RGS5: variants seen among roughly 807,000 people sequenced by gnomAD.
RGS5 encodes the protein regulator of G-protein signalling 5.
RGS5 carries 20 observed loss-of-function variants against 18.9 expected under a neutral mutation model. That is an observed-to-expected ratio of 1.06 (90% CI 0.74 to 1.54). The LOEUF is 1.54. RGS5 is among the 40% of genes most tolerant of loss of function. The probability of loss-of-function intolerance (pLI) is 0.00; values close to 1 mark genes in which losing one functional copy is unlikely to be tolerated. For missense variants in RGS5, 201 were observed against 211.8 expected (o/e 0.95, Z 0.32); for synonymous variants, 57 against 76.2 (o/e 0.75, Z 1.31).
Position 163,147,918 on chromosome 1 carries a change from C to CTTTTTTTTCTTTTTTTTTTTTTTT in RGS5, c.385-416_385-415insAAAAAAAAAAAAAAAGAAAAAAAA, listed in dbSNP as rs3065035. On this transcript the variant is annotated intron_variant, in intron 4 of 4. Transcript: ENST00000313961. ...GGTGTCCTGGTGCTTTTTTCTTTTT[C>CTTTTTTTTCTTTTTTTTTTTTTTT]TTTTTTTTTTTTTTTTTTTTTTGTT... Among the ~76,000 whole-genome samples the CTTTTTTTTCTTTTTTTTTTTTTTT allele has an allele frequency of 4.0e-3, 310 of 78,030 alleles. 1 individual carries two copies. The highest frequency in any genetic ancestry group is 4.8e-3 in the South Asian group (9 of 1,864). The allele number at this position is 78,030 out of a possible 152,430, so 51.2% of individuals were successfully genotyped here. A position where few individuals can be genotyped will look rare whatever the true frequency, so the allele number is the denominator to read the frequency against.
At chr1:163,179,661 T>C (rs1424239874) in intron 1 of RGS5, among the ~76,000 whole-genome samples, 1 of 152,170 alleles carries the variant, frequency 6.6e-6, no homozygotes, top group Admixed American at 6.5e-5. Flanking sequence ...ATTTGAGCTC[T>C]CCTGTTTTCT....
At chr1:163,302,327 T>C (rs1326953741) in intron 2 of RGS5, among the ~76,000 whole-genome samples, 1 of 152,152 alleles carries the variant, frequency 6.6e-6, no homozygotes, top group Non-Finnish European at 1.5e-5. Context: ...CTTAAGATCA[T>C]ACAGAAGGAG....
chr1:163,218,989 G>A (rs1445342804), upstream of RGS5, among the ~76,000 whole-genome samples: 1 of 152,174 alleles, frequency 6.6e-6, no homozygotes, highest in East Asian at 1.9e-4. Context: ...GTCAAAGCTT[G>A]TTGCTGGGAG....
intron 1 of RGS5, among the ~76,000 whole-genome samples, chr1:163,184,444 A>C (rs1380912514): frequency 6.6e-6 from 1 of 152,020 alleles, no homozygotes; most frequent in Non-Finnish European, 1.5e-5. Flanking sequence ...TTAAATGAAA[A>C]AGTATCTAGG....
intron 1 of RGS5, among the ~76,000 whole-genome samples, chr1:163,193,676 G>C (rs1196118832): frequency 1.3e-5 from 2 of 152,040 alleles, no homozygotes; most frequent in East Asian, 3.9e-4. Flanking sequence ...GCATATACAC[G>C]CCTGACATGG....
intron 2 of RGS5, 109 bp from the exon 3 acceptor site, chr1:163,162,085 C>T: frequency 2.6e-6 from 2 of 774,036 alleles, no homozygotes; most frequent in Non-Finnish European, 2.3e-6. Flanking sequence ...GATATGACTG[C>T]TGGTCTATCC....
At chr1:163,266,180 C>T (rs12724298) in intron 2 of RGS5, among the ~76,000 whole-genome samples, 43,446 of 151,944 alleles carry the variant, frequency 0.29, 6,375 homozygotes, top group Non-Finnish European at 0.32. Flanking sequence ...ACCCAGACCC[C>T]GGCATCTAAG....
chr1:163,242,943 G>A (rs4657255), intron 2 of RGS5, among the ~76,000 whole-genome samples: 7,558 of 152,286 alleles, frequency 0.05, 223 homozygotes, highest in South Asian at 0.093. Flanking sequence ...GCAACTCACC[G>A]TGAGTGGTAA....
chr1:163,281,298 G>A (rs1003363466), intron 2 of RGS5, among the ~76,000 whole-genome samples: 3 of 152,090 alleles, frequency 2.0e-5, no homozygotes, highest in Non-Finnish European at 4.4e-5. Flanking sequence ...AATACATTGG[G>A]TAATTTATAA....
intron 2 of RGS5, among the ~76,000 whole-genome samples, chr1:163,291,908 T>C (rs144798051): frequency 1.6e-4 from 25 of 152,358 alleles, no homozygotes; most frequent in Admixed American, 4.6e-4. Flanking sequence ...TCTGTGGCAA[T>C]TGATTCTGTT....
At chr1:163,312,952 AACTTCTACTTTCT>A (rs139974338) in intron 1 of RGS5, among the ~76,000 whole-genome samples, 32,363 of 152,098 alleles carry the variant, frequency 0.21, 3,678 homozygotes, top group African/African-American at 0.3. Context: ...TCTTAGTTTA[AACTTCTACTTTCT>A]ACTTAGCTAA....
intron 2 of RGS5, among the ~76,000 whole-genome samples, chr1:163,305,548 A>G (rs1468488617): frequency 1.3e-5 from 2 of 152,318 alleles, no homozygotes; most frequent in South Asian, 2.1e-4. Flanking sequence ...TTGCAGCCCT[A>G]CACACTACAC....
chr1:163,256,652 C>T (rs990831412), intron 2 of RGS5, among the ~76,000 whole-genome samples: 3 of 152,160 alleles, frequency 2.0e-5, no homozygotes, highest in Non-Finnish European at 4.4e-5. Flanking sequence ...TTAAAAGATG[C>T]TTTTCTCCTA....
At chr1:163,248,122 T>TAC (rs1647995132) in intron 2 of RGS5, among the ~76,000 whole-genome samples, 1 of 152,192 alleles carries the variant, frequency 6.6e-6, no homozygotes, top group African/African-American at 2.4e-5. Flanking sequence ...AGTGACAGTG[T>TAC]TAGTAAGAGC....
At chr1:163,150,030 C>T (rs181633299) in intron 4 of RGS5, among the ~76,000 whole-genome samples, 1 of 152,272 alleles carries the variant, frequency 6.6e-6, no homozygotes, top group Admixed American at 6.5e-5. Flanking sequence ...ATGCTTTCAT[C>T]TCAAAAATAT....
At chr1:163,253,005 G>T (rs1648154253) in intron 2 of RGS5, among the ~76,000 whole-genome samples, 2 of 152,146 alleles carry the variant, frequency 1.3e-5, no homozygotes, top group Non-Finnish European at 2.9e-5. Context: ...TCTCATCTGT[G>T]ATGAAAGTGT....
chr1:163,203,157 C>G (rs1659848454), upstream of RGS5: 1 of 234,266 alleles, frequency 4.3e-6, no homozygotes, highest in Admixed American at 5.3e-5. Context: ...AAACTGTGCA[C>G]AGGTCATTGG....
At chr1:163,278,200 G>A (rs1387532662) in intron 2 of RGS5, among the ~76,000 whole-genome samples, 1 of 152,056 alleles carries the variant, frequency 6.6e-6, no homozygotes, top group Non-Finnish European at 1.5e-5. Context: ...AAAAGGTCCT[G>A]TCTGAGGCAC....
chr1:163,152,435 G>A lies in RGS5; in HGVS notation c.384+115C>T, dbSNP rs1433015519. On this transcript the variant is annotated intron_variant, in intron 4 of 4. Transcript: ENST00000313961. The stretch of plus-strand genomic sequence containing the variant: ...TCAATAGGTGCTTAATAAGGTGGTC[G>A]ACTCACAAATAGGAATAGCCTTTGG... The A allele has an allele frequency of 1.6e-5, 17 of 1,075,064 alleles. No individual in the cohort carries two copies. The African/African-American group carries it at 1.7e-4, about 11-fold the overall frequency. 66.6% of individuals were successfully genotyped at this position (1,075,064 alleles called of 1,614,324 possible).
Sources: gnomAD v4.1 joint callset for allele counts (sites outside exome capture counted in the v4.1 genomes callset) on GRCh38, gnomAD v4.1.1 for gene constraint, MANE v1.5 for transcripts, NCBI Gene and HGNC (gene_info 2026-07-23, HGNC 2026-07-21) for gene names.